RARB: variants seen among roughly 807,000 people sequenced by gnomAD.
The protein encoded by RARB is HBV-activated protein.
RARB carries 17 observed loss-of-function variants against 51.9 expected under a neutral mutation model. The observed-to-expected ratio is 0.33, with a 90% CI of 0.22 to 0.49. The LOEUF is 0.49. RARB is among the 20% of genes least tolerant of loss of function. The pLI, the probability that RARB is intolerant of heterozygous loss-of-function variation, is 0.99. For synonymous variants in RARB, 215 were observed against 195.4 expected (o/e 1.10, Z -0.84); for missense variants, 369 against 550.8 (o/e 0.67, Z 3.30).
rs116862099 is a variant in RARB, at chr3:25,004,151, G to A, written c.-379-55974G>A. Among the ~76,000 whole-genome samples the A allele has an allele frequency of 1.1e-3, 164 of 152,206 alleles. 1 individual carries two copies. In the East Asian group the frequency reaches 0.016, roughly 15 times the overall value. Reference sequence around the variant, plus strand: ...CAAGAGCATGAAGGTTTTGTAGGATGTTTTTAAGGGCTAAGGCAGTGATGA... The same window carrying A: ...CAAGAGCATGAAGGTTTTGTAGGATATTTTTAAGGGCTAAGGCAGTGATGA... On this transcript the variant is annotated intron_variant, in intron 2 of 11. Transcript: ENST00000383772.
intron 3 of RARB, among the ~76,000 whole-genome samples, chr3:25,531,704 G>A (rs865999666): frequency 6.7e-4 from 70 of 104,466 alleles, no homozygotes; most frequent in African/African-American, 2.0e-3. Context: ...TGTAGAACAA[G>A]AAAAAGATAT....
intron 3 of RARB, among the ~76,000 whole-genome samples, chr3:25,131,549 C>T (rs1328281600): frequency 6.6e-6 from 1 of 151,926 alleles, no homozygotes; most frequent in Non-Finnish European, 1.5e-5. Flanking sequence ...ATTGTTTAAA[C>T]CTGTCTGGCA....
intron 5 of RARB, among the ~76,000 whole-genome samples, chr3:25,202,458 TA>T (rs1701419061): frequency 6.6e-6 from 1 of 152,182 alleles, no homozygotes; most frequent in African/African-American, 2.4e-5. Flanking sequence ...TGATCTTAGT[TA>T]TTTCTTGCCT....
chr3:25,378,137 C>A (rs1024306813), intron 5 of RARB, among the ~76,000 whole-genome samples: 2 of 152,088 alleles, frequency 1.3e-5, no homozygotes, highest in Non-Finnish European at 2.9e-5. Context: ...TTAAAATGAA[C>A]CTTATTTGAA....
At chr3:25,139,172 G>A (rs970131033) in intron 4 of RARB, among the ~76,000 whole-genome samples, 7 of 151,908 alleles carry the variant, frequency 4.6e-5, no homozygotes, top group African/African-American at 1.7e-4. Context: ...CTGAAATTAG[G>A]CTGATTAATA....
At chr3:25,464,464 A>G (rs1479490863) in intron 2 of RARB, among the ~76,000 whole-genome samples, 1 of 152,220 alleles carries the variant, frequency 6.6e-6, no homozygotes, top group Non-Finnish European at 1.5e-5. Flanking sequence ...CAATAAGGTC[A>G]GGTGAGTTCG....
chr3:25,524,539 A>C (rs747062031), intron 3 of RARB, among the ~76,000 whole-genome samples: 2 of 152,026 alleles, frequency 1.3e-5, no homozygotes, highest in African/African-American at 4.8e-5. Context: ...TTTTTATCTC[A>C]TAAAAGTTAA....
intron 1 of RARB, among the ~76,000 whole-genome samples, chr3:25,446,498 C>G (rs1410092728): frequency 6.6e-6 from 1 of 152,070 alleles, no homozygotes. Flanking sequence ...ATTTGCAGAC[C>G]CTGCCTTAAA....
chr3:25,167,536 G>A (rs1253743655), intron 4 of RARB, among the ~76,000 whole-genome samples: 2 of 152,222 alleles, frequency 1.3e-5, no homozygotes, highest in Non-Finnish European at 1.5e-5. Context: ...CCAGAGAGCA[G>A]AGGCACCAGC....
intron 5 of RARB, among the ~76,000 whole-genome samples, chr3:25,204,254 G>A (rs550638886): frequency 1.1e-4 from 16 of 152,050 alleles, no homozygotes; most frequent in South Asian, 2.1e-4. Context: ...TGTAGTTCTC[G>A]TGCCACGGTT....
chr3:25,132,205 A>G lies in RARB; in HGVS notation c.-283A>G. 1.3e-5 allele frequency among the ~76,000 whole-genome samples: 2 copies of G among 151,808 alleles called. 1 individual carries two copies. Among genetic ancestry groups the G allele is most frequent in the Non-Finnish European group, 2.9e-5 (2 of 67,894 alleles). On this transcript the variant is annotated 5_prime_UTR_variant, in exon 4 of 12. Transcript: ENST00000383772. ...TTCTTTCAACTTCTGCTTGAATCCA[A>G]GTGGTAAGTCTTTCCTGTACCAAGG...
At chr3:24,876,672 A>G (rs1461412501) in intron 2 of RARB, among the ~76,000 whole-genome samples, 1 of 152,096 alleles carries the variant, frequency 6.6e-6, no homozygotes, top group Non-Finnish European at 1.5e-5. Context: ...TTCTAATGCA[A>G]TTTTATAAAT....
At position 25,410,335 on chromosome 3, in the gene RARB, C is replaced by T. The variant is rs114781160; in HGVS notation, c.179-50858C>T. ...CCATATCACAAATCTGTCTCTCTTACTTTCTTTTAAGCTGGCAGCAGAATA... is the reference window on the plus strand; with the variant it reads ...CCATATCACAAATCTGTCTCTCTTATTTTCTTTTAAGCTGGCAGCAGAATA... On this transcript the variant is annotated intron_variant, in intron 5 of 11. Transcript: ENST00000383772. 4.4e-3 allele frequency among the ~76,000 whole-genome samples: 674 copies of T among 152,314 alleles called. 6 individuals are homozygous for T. Among genetic ancestry groups the T allele is most frequent in the African/African-American group, 0.016 (650 of 41,574 alleles).
intron 5 of RARB, among the ~76,000 whole-genome samples, chr3:25,218,104 G>A (rs1021688752): frequency 1.3e-5 from 2 of 151,928 alleles, no homozygotes; most frequent in East Asian, 1.9e-4. Context: ...TTTCCTATAA[G>A]CCTTTTATTA....
intron 5 of RARB, among the ~76,000 whole-genome samples, chr3:25,232,450 A>G (rs1422299277): frequency 6.6e-6 from 1 of 152,148 alleles, no homozygotes; most frequent in Non-Finnish European, 1.5e-5. Flanking sequence ...CCATGAATCT[A>G]GTATATCTCT....
intron 5 of RARB, among the ~76,000 whole-genome samples, chr3:25,354,651 C>G (rs1330905156): frequency 1.3e-5 from 2 of 152,116 alleles, no homozygotes; most frequent in Non-Finnish European, 1.5e-5. Context: ...CAACATAAAC[C>G]AAGCTGTGCA....
At chr3:25,320,872 T>C (rs1704552137) in intron 5 of RARB, among the ~76,000 whole-genome samples, 1 of 152,224 alleles carries the variant, frequency 6.6e-6, no homozygotes, top group African/African-American at 2.4e-5. Context: ...AAAGCCTCAA[T>C]GTTCATCACT....
intron 4 of RARB, among the ~76,000 whole-genome samples, chr3:25,145,435 G>C (rs1700171081): frequency 6.6e-6 from 1 of 152,102 alleles, no homozygotes; most frequent in South Asian, 2.1e-4. Flanking sequence ...CCACATGTCT[G>C]GGAACTTTGA....
chr3:24,940,631 T>A (rs1695644368), intron 2 of RARB, among the ~76,000 whole-genome samples: 1 of 152,094 alleles, frequency 6.6e-6, no homozygotes, highest in Admixed American at 6.6e-5. Flanking sequence ...TGGACCAAAT[T>A]GAGTTCCTGT....
Sources: gnomAD v4.1 joint callset for allele counts (sites outside exome capture counted in the v4.1 genomes callset) on GRCh38, gnomAD v4.1.1 for gene constraint, MANE v1.5 for transcripts, NCBI Gene and HGNC (gene_info 2026-07-23, HGNC 2026-07-21) for gene names.